The following NAPA variants were observed in gnomAD, a reference collection of about 807,000 sequenced individuals.
NAPA encodes the protein NSF attachment protein alpha, also known as alpha-soluble NSF attachment protein.
NAPA carries 18 observed loss-of-function variants against 48.0 expected under a neutral mutation model. That is an observed-to-expected ratio of 0.38 (90% CI 0.26 to 0.56). The LOEUF is 0.56. Ranked by LOEUF, NAPA falls within the 20% of genes least tolerant of loss-of-function variation. NAPA has a pLI of 0.77. For synonymous variants in NAPA, 152 were observed against 149.9 expected, an observed-to-expected ratio of 1.01 and a Z score of -0.10; for missense variants, 315 against 385.0, an observed-to-expected ratio of 0.82 and a Z score of 1.52.
At chr19:47,503,820 G>A (rs887965141) in intron 1 of NAPA, among the ~76,000 whole-genome samples, 1 of 152,158 alleles carries the variant, frequency 6.6e-6, no homozygotes, top group Admixed American at 6.5e-5. Context: ...GGGATACTAG[G>A]GGCCCACTGG....
chr19:47,511,664 G>A (rs574734260), intron 1 of NAPA, among the ~76,000 whole-genome samples: 78 of 152,346 alleles, frequency 5.1e-4, no homozygotes, highest in African/African-American at 1.9e-3. Flanking sequence ...AACTGGGTTT[G>A]AATGCCACTT....
intron 8 of NAPA, 42 bp from the exon 9 acceptor site, chr19:47,490,898 G>A (rs368645597): frequency 7.0e-6 from 11 of 1,580,486 alleles, no homozygotes; most frequent in Non-Finnish European, 8.7e-6. Flanking sequence ...GTAACAAGAG[G>A]GTCCTCAGAG....
intron 9 of NAPA, 69 bp from the exon 10 acceptor site, chr19:47,489,830 A>G (rs2122721436): frequency 6.5e-7 from 1 of 1,536,564 alleles, no homozygotes; most frequent in East Asian, 2.3e-5. Context: ...ATTAGATGAA[A>G]GGACACGCTA....
chr19:47,492,610 A>C, intron 7 of NAPA: 1 of 434,592 alleles, frequency 2.3e-6, no homozygotes, highest in Non-Finnish European at 4.4e-6. Context: ...CCATCGGGCC[A>C]TGGGGTGGGG....
In NAPA at chr19:47,493,461, G is replaced by A. The variant is rs1479562083; in HGVS notation, c.375C>T (p.Ile125=). The change falls in exon 5 of 11, where the codon ATC becomes ATT. Residue 125 remains isoleucine (I), a synonymous_variant. Transcript: ENST00000263354. The surrounding 1 kb of genome is among the most constrained non-coding windows in gnomAD (Gnocchi z 6.4). ...GRFTIAAKHH[I]SIAEIYETEL... ...CTGTCTCATAGATCTCAGCAATGGA[G>A]ATGTGGTGCTTGGCCGCAATCGTGA... is the stretch of plus-strand genomic sequence containing the variant. 1.9e-6 allele frequency: 3 copies of A among 1,614,042 alleles called. No homozygotes were observed. The highest frequency in any genetic ancestry group is 4.5e-5 in the East Asian group (2 of 44,868).
Position 47,493,591 on chromosome 19 carries a change from C to T in NAPA, c.343-98G>A. On this transcript the variant is annotated intron_variant, in intron 4 of 10. Coordinates refer to ENST00000263354, the MANE Select transcript of NAPA (RefSeq NM_003827.4). This position sits in a 1 kb window ranked among gnomAD's most constrained non-coding sequence, Gnocchi z 6.4. ...TTCAAGTTCCCACCCCTCAGCCACGCCTGTGAGGAGGTATGAAGAAGACCT... is the reference window on the plus strand; with the variant it reads ...TTCAAGTTCCCACCCCTCAGCCACGTCTGTGAGGAGGTATGAAGAAGACCT... 9.9e-7 allele frequency: 1 copy of T among 1,006,592 alleles called. No individual in the cohort carries two copies. The allele number at this position is 1,006,592 out of a possible 1,614,324, so 62.4% of individuals were successfully genotyped here.
chr19:47,497,715 T>A (rs1446810689), intron 3 of NAPA, among the ~76,000 whole-genome samples: 1 of 152,258 alleles, frequency 6.6e-6, no homozygotes, highest in East Asian at 1.9e-4. Flanking sequence ...ACCTGACTTC[T>A]GCGTCTCTGA....
chr19:47,490,286 G>A (rs1968211900), intron 9 of NAPA, among the ~76,000 whole-genome samples: 1 of 146,210 alleles, frequency 6.8e-6, no homozygotes, highest in Non-Finnish European at 1.5e-5. Flanking sequence ...ACTGTGCAAT[G>A]TGTTTTGTGT....
At chr19:47,496,951 G>A (rs1421604669) in intron 3 of NAPA, 1 of 405,880 alleles carries the variant, frequency 2.5e-6, no homozygotes, top group Non-Finnish European at 5.1e-6. Flanking sequence ...AGGTTCTAGG[G>A]CTGACAGACC....
intron 9 of NAPA, among the ~76,000 whole-genome samples, chr19:47,490,096 T>C (rs1265945109): frequency 7.1e-6 from 1 of 140,662 alleles, no homozygotes; most frequent in African/African-American, 2.7e-5. Flanking sequence ...TGGGGTGTGG[T>C]GTGTAGGGGC....
chr19:47,492,142 C>G (rs748159046), intron 7 of NAPA, 23 bp from the exon 8 acceptor site: 4 of 1,604,412 alleles, frequency 2.5e-6, no homozygotes, highest in Non-Finnish European at 3.4e-6. Flanking sequence ...AGAAGTGGCA[C>G]TGGTGAGCTC....
At chr19:47,488,572 TG>T (rs1371491514) in intron 10 of NAPA, 183 bp from the exon 11 acceptor site, 2 of 456,302 alleles carry the variant, frequency 4.4e-6, no homozygotes, top group Non-Finnish European at 7.9e-6. Context: ...GTCTTGACTA[TG>T]CTGGGCACAT....
At chr19:47,489,399 G>C (rs1273610235) in intron 10 of NAPA, 9 of 426,066 alleles carry the variant, frequency 2.1e-5, no homozygotes, top group Non-Finnish European at 3.9e-5. Flanking sequence ...ACTCACCTGG[G>C]GGACTCAAGG....
chr19:47,508,371 C>A (rs1387945678), intron 1 of NAPA, among the ~76,000 whole-genome samples: 2 of 152,222 alleles, frequency 1.3e-5, no homozygotes, highest in Non-Finnish European at 2.9e-5. Flanking sequence ...CAGCTGCCTC[C>A]CGCCACTCTG....
At position 47,493,876 on chromosome 19, in the gene NAPA, G is replaced by A. The variant is rs1203668200; in HGVS notation, c.343-383C>T. ...AGAGAGGCGGAAGGACCAGTCCAGAGCCACTTGGCAAAGGGCTCTGGAGAA... is the reference window on the plus strand; with the variant it reads ...AGAGAGGCGGAAGGACCAGTCCAGAACCACTTGGCAAAGGGCTCTGGAGAA... On this transcript the variant is annotated intron_variant, in intron 4 of 10. Transcript: ENST00000263354. The surrounding 1 kb of genome is among the most constrained non-coding windows in gnomAD (Gnocchi z 6.4). Among the ~76,000 whole-genome samples the A allele has an allele frequency of 1.3e-5, 2 of 152,224 alleles. No homozygotes were observed. Among genetic ancestry groups the A allele is most frequent in the Non-Finnish European group, 2.9e-5 (2 of 68,028 alleles).
In NAPA at chr19:47,492,010, G is replaced by A. The variant is rs1403997146; in HGVS notation, c.666+5C>T. The A allele has an allele frequency of 6.2e-7, 1 of 1,613,250 alleles. No individual in the cohort carries two copies. The highest frequency in any genetic ancestry group is 2.2e-5 in the East Asian group (1 of 44,882). ...CGGTGGTCCTGCGGGCGTGGGGTGTGCTACCTTGGCGTTGAGCATGTCGAT... is the reference window on the plus strand; with the variant it reads ...CGGTGGTCCTGCGGGCGTGGGGTGTACTACCTTGGCGTTGAGCATGTCGAT... On this transcript the variant is annotated splice_donor_5th_base_variant and intron_variant, in intron 8 of 10. Coordinates refer to ENST00000263354, the MANE Select transcript of NAPA (RefSeq NM_003827.4).
At chr19:47,513,144 C>A (rs777135594) in intron 1 of NAPA, among the ~76,000 whole-genome samples, 1 of 152,196 alleles carries the variant, frequency 6.6e-6, no homozygotes, top group African/African-American at 2.4e-5. Flanking sequence ...CCGCCCCCTG[C>A]CAAACTCCCT....
chr19:47,511,645 A>G (rs146568817), intron 1 of NAPA, among the ~76,000 whole-genome samples: 1 of 152,330 alleles, frequency 6.6e-6, no homozygotes, highest in East Asian at 1.9e-4. Context: ...AGGCTCTGGA[A>G]TCACACAGAA....
chr19:47,507,546 C>T (rs142255593), intron 1 of NAPA, among the ~76,000 whole-genome samples: 240 of 152,280 alleles, frequency 1.6e-3, no homozygotes, highest in African/African-American at 5.5e-3. Flanking sequence ...ATCTCTCTTG[C>T]CTCTGTGGAA....
Sources: allele counts gnomAD v4.1 joint callset (sites outside exome capture counted in the v4.1 genomes callset), GRCh38; gene constraint gnomAD v4.1.1; non-coding constraint Gnocchi (gnomAD v3.1); transcripts MANE v1.5; gene names NCBI Gene and HGNC (gene_info 2026-07-23, HGNC 2026-07-21).